PRTFDC1: variants seen among roughly 807,000 people sequenced by gnomAD.
PRTFDC1 encodes the protein phosphoribosyltransferase domain-containing protein 1.
Under a neutral mutation model 34.6 loss-of-function variants are expected in PRTFDC1, and 38 were observed. The observed-to-expected ratio is 1.10, with a 90% CI of 0.85 to 1.44. The LOEUF (loss-of-function observed/expected upper bound fraction) is 1.44, where lower values mean the gene tolerates loss of function less well. PRTFDC1 is among the 40% of genes most tolerant of loss of function. PRTFDC1 has a pLI of 0.00. For synonymous variants in PRTFDC1, 93 were observed against 98.1 expected (o/e 0.95, Z 0.31); for missense variants, 270 against 283.0 (o/e 0.95, Z 0.33).
chr10:24,902,501 A>T (rs1399774422), intron 3 of PRTFDC1, among the ~76,000 whole-genome samples: 1 of 152,208 alleles, frequency 6.6e-6, no homozygotes, highest in Non-Finnish European at 1.5e-5. Flanking sequence ...ACTTCTGTCC[A>T]AGATCTGGTG....
rs58812300 is a variant in PRTFDC1 at position 24,941,036 on chromosome 10, T to TTG, written c.155+1292_155+1293dup. Among the ~76,000 whole-genome samples the TTG allele has an allele frequency of 2.0e-3, 303 of 150,070 alleles. 1 individual carries two copies. The highest frequency in any genetic ancestry group is 1.2e-3 in the Non-Finnish European group (84 of 67,780). The stretch of plus-strand genomic sequence containing the variant: ...TTGTGCAGTAGTATATAAATTAATC[T>TTG]TGTGTGTGTGTGTGTGTGTGTGTGT... On this transcript the variant is annotated intron_variant, in intron 2 of 8. Transcript: ENST00000320152.
chr10:24,889,011 T>A lies in PRTFDC1; in HGVS notation c.340-16948A>T, dbSNP rs183944290. Among the ~76,000 whole-genome samples, 45 of 152,276 alleles carry A rather than the reference T, an allele frequency of 3.0e-4. No homozygotes were observed. In the East Asian group the frequency reaches 7.5e-3, roughly 25 times the overall value. ...TACCACCTGCCTGTTATGGTCTGAA[T>A]GTTTGTTACCCCCCTCCCCGACCCT... is the stretch of plus-strand genomic sequence containing the variant. On this transcript the variant is annotated intron_variant, in intron 3 of 8. Coordinates refer to ENST00000320152, the MANE Select transcript of PRTFDC1 (RefSeq NM_020200.7).
intron 3 of PRTFDC1, among the ~76,000 whole-genome samples, chr10:24,918,780 G>A (rs553098653): frequency 1.3e-5 from 2 of 152,118 alleles, no homozygotes; most frequent in African/African-American, 4.8e-5. Flanking sequence ...ATCTGTCAGG[G>A]ACCTTACAGA....
At chr10:24,943,209 C>T (rs888144063) in intron 1 of PRTFDC1, among the ~76,000 whole-genome samples, 27 of 152,012 alleles carry the variant, frequency 1.8e-4, no homozygotes, top group East Asian at 5.8e-4. Context: ...ATTAAAAGTA[C>T]GTATCTCCTG....
At chr10:24,911,461 G>T (rs75073347) in intron 3 of PRTFDC1, among the ~76,000 whole-genome samples, 2,911 of 152,294 alleles carry the variant, frequency 0.019, 106 homozygotes, top group African/African-American at 0.067. Context: ...ATTCATGGAC[G>T]TACCACAGTT....
chr10:24,924,896 G>A (rs1000159606), intron 3 of PRTFDC1, among the ~76,000 whole-genome samples: 1 of 152,210 alleles, frequency 6.6e-6, no homozygotes, highest in African/African-American at 2.4e-5. Flanking sequence ...TTCAACTATT[G>A]TGGAAGACAG....
chr10:24,856,857 C>T, intron 6 of PRTFDC1, 56 bp downstream of exon 6: 1 of 1,420,778 alleles, frequency 7.0e-7, no homozygotes, highest in South Asian at 1.1e-5. Flanking sequence ...TGTTAGCATC[C>T]CTTTTGGGCT....
At chr10:24,944,598 C>T (rs1376128054) in intron 1 of PRTFDC1, among the ~76,000 whole-genome samples, 1 of 152,094 alleles carries the variant, frequency 6.6e-6, no homozygotes, top group African/African-American at 2.4e-5. Flanking sequence ...GCCTGAGCAA[C>T]ACAGCAAGAT....
chr10:24,851,991 C>T (rs1010987085), intron 7 of PRTFDC1, among the ~76,000 whole-genome samples: 3 of 151,840 alleles, frequency 2.0e-5, no homozygotes, highest in East Asian at 3.9e-4. Context: ...TGAAAGGCAA[C>T]GGGATTGTTC....
At chr10:24,887,069 C>G (rs1430767312) in intron 3 of PRTFDC1, among the ~76,000 whole-genome samples, 1 of 146,250 alleles carries the variant, frequency 6.8e-6, no homozygotes, top group East Asian at 2.0e-4. Context: ...TTCCCGGGTT[C>G]ACGCCATTCT....
chr10:24,914,628 G>T (rs1359086252), intron 3 of PRTFDC1, among the ~76,000 whole-genome samples: 2 of 152,146 alleles, frequency 1.3e-5, no homozygotes, highest in Admixed American at 6.5e-5. Context: ...CAGAGTTTAA[G>T]AGAAGTCAGT....
At chr10:24,924,097 T>G (rs1564314427) in intron 3 of PRTFDC1, among the ~76,000 whole-genome samples, 1 of 151,954 alleles carries the variant, frequency 6.6e-6, no homozygotes, top group Non-Finnish European at 1.5e-5. Context: ...AAGACAAGAT[T>G]AGAGAAAAAA....
intron 4 of PRTFDC1, among the ~76,000 whole-genome samples, chr10:24,862,541 AT>A (rs1181641181): frequency 6.6e-6 from 1 of 151,650 alleles, no homozygotes; most frequent in Non-Finnish European, 1.5e-5. Flanking sequence ...CGCATGCATA[AT>A]TTTTGTATTT....
chr10:24,936,435 C>T (rs113770558), intron 3 of PRTFDC1, among the ~76,000 whole-genome samples: 2,507 of 152,180 alleles, frequency 0.016, 68 homozygotes, highest in African/African-American at 0.056. Flanking sequence ...CATGCCACCA[C>T]ACTCAGCTAA....
At chr10:24,941,086 C>T (rs185177546) in intron 2 of PRTFDC1, among the ~76,000 whole-genome samples, 1 of 151,380 alleles carries the variant, frequency 6.6e-6, no homozygotes, top group African/African-American at 2.4e-5. Flanking sequence ...CAAGGTCTCG[C>T]TCTGTTCCCC....
Position 24,948,951 on chromosome 10 carries a change from G to A in PRTFDC1, c.48+3577C>T, listed in dbSNP as rs867284662. ...GTGATTGAAAGCTGGTTCAAATCCC[G>A]CTTCTGCCATTTGCTACTTATGCGA... On this transcript the variant is annotated intron_variant, in intron 1 of 8. Transcript: ENST00000320152. 3.3e-5 allele frequency among the ~76,000 whole-genome samples: 5 copies of A among 152,214 alleles called. No individual in the cohort carries two copies. The South Asian group carries it at 6.2e-4, about 19-fold the overall frequency.
chr10:24,872,090 G>A, intron 3 of PRTFDC1, 27 bp from the exon 4 acceptor site: 1 of 1,572,226 alleles, frequency 6.4e-7, no homozygotes, highest in Non-Finnish European at 8.7e-7. Flanking sequence ...AAAAAAGGGA[G>A]ACAATTTTAC....
intron 3 of PRTFDC1, among the ~76,000 whole-genome samples, chr10:24,883,710 CCTCT>C (rs1565265456): frequency 6.6e-6 from 1 of 151,924 alleles, no homozygotes; most frequent in Non-Finnish European, 1.5e-5. Context: ...ACACATGGAG[CCTCT>C]TGACACATCT....
At chr10:24,851,533 A>G in intron 7 of PRTFDC1, 69 bp from the exon 8 acceptor site, 1 of 1,569,368 alleles carries the variant, frequency 6.4e-7, no homozygotes, top group South Asian at 1.2e-5. Flanking sequence ...AAGTCACCAT[A>G]TGCTGCTGTC....
Sources: allele counts gnomAD v4.1 joint callset (sites outside exome capture counted in the v4.1 genomes callset), GRCh38; gene constraint gnomAD v4.1.1; transcripts MANE v1.5; gene names NCBI Gene and HGNC (gene_info 2026-07-23, HGNC 2026-07-21).